TEX26: variants seen among roughly 807,000 people sequenced by gnomAD.
The protein encoded by TEX26 is testis-expressed protein 26.
A neutral mutation model predicts 35.3 loss-of-function variants in TEX26; 34 were observed. The ratio of observed to expected loss-of-function variants is 0.96; its 90% CI spans 0.73 to 1.28. TEX26 has a LOEUF of 1.28. Among genes scored for constraint, TEX26 ranks in the 50% most tolerant of loss-of-function variants. The pLI is 0.00. For synonymous variants in TEX26, 136 were observed against 111.8 expected (o/e 1.22, Z -1.36); for missense variants, 371 against 330.1 (o/e 1.12, Z -0.96).
At chr13:30,947,798 C>T (rs142139396) in intron 2 of TEX26, among the ~76,000 whole-genome samples, 13,392 of 151,830 alleles carry the variant, frequency 0.088, 721 homozygotes, top group Admixed American at 0.12. Context: ...TACAGGTTTG[C>T]TACATATGTA....
intron 1 of TEX26, among the ~76,000 whole-genome samples, chr13:30,937,688 G>C (rs1303905237): frequency 6.6e-6 from 1 of 152,256 alleles, no homozygotes; most frequent in Non-Finnish European, 1.5e-5. Context: ...AGCAGGATTA[G>C]AGAGCAGACA....
rs1954848256 is a variant in TEX26, at chr13:30,975,490, A to G, written c.*583A>G. On this transcript the variant is annotated 3_prime_UTR_variant, in exon 7 of 7. Transcript: ENST00000380473. ...TATTGGAACCTCCCACAATAAATAT[A>G]TTTTTATCAATTTTCCCTTGTATTT... 1 of 152,118 alleles carries G rather than the reference A, an allele frequency of 6.6e-6. No individual in the cohort carries two copies. The highest frequency in any genetic ancestry group is 1.5e-5 in the Non-Finnish European group (1 of 68,010). The allele number at this position is 152,118 out of a possible 1,614,324, so 9.4% of individuals were successfully genotyped here.
At chr13:30,962,115 G>A (rs1193851765) in intron 4 of TEX26, among the ~76,000 whole-genome samples, 3 of 152,174 alleles carry the variant, frequency 2.0e-5, no homozygotes, top group Non-Finnish European at 4.4e-5. Flanking sequence ...CTGGCAGCTA[G>A]AGGAGCTTTC....
chr13:30,968,087 C>A (rs1422294310), intron 5 of TEX26, among the ~76,000 whole-genome samples: 1 of 152,082 alleles, frequency 6.6e-6, no homozygotes, highest in African/African-American at 2.4e-5. Context: ...TGAAGGTTTG[C>A]TGAAAAATTG....
chr13:30,937,521 G>A lies in TEX26; in HGVS notation c.62-2173G>A, dbSNP rs556410102. On this transcript the variant is annotated intron_variant, in intron 1 of 6. Transcript: ENST00000380473. ...TCAGGTTAGAGAAGGCTTCTTTTAC[G>A]AGTGGCATGCCTCACAATTTCTTCC... Among the ~76,000 whole-genome samples, 36 of 152,134 alleles carry A rather than the reference G, an allele frequency of 2.4e-4. No homozygotes were observed. The South Asian group carries it at 7.5e-3, about 32-fold the overall frequency.
At chr13:30,968,148 T>C (rs1360435461) in intron 5 of TEX26, among the ~76,000 whole-genome samples, 1 of 152,140 alleles carries the variant, frequency 6.6e-6, no homozygotes, top group Non-Finnish European at 1.5e-5. Context: ...TTTATTAACA[T>C]GCATGGGAGT....
chr13:30,934,985 G>A (rs190117298), intron 1 of TEX26, among the ~76,000 whole-genome samples: 70 of 152,342 alleles, frequency 4.6e-4, no homozygotes, highest in Admixed American at 1.5e-3. Flanking sequence ...TGGGGCAAGA[G>A]CTCCCTGGTG....
chr13:30,957,208 G>A (rs1954172784), intron 4 of TEX26, among the ~76,000 whole-genome samples, 179 bp downstream of exon 4: 1 of 152,104 alleles, frequency 6.6e-6, no homozygotes, highest in African/African-American at 2.4e-5. Context: ...GGAAATGCAG[G>A]TTGCTGTGGG....
At chr13:30,945,922 C>CT (rs1953691029) in intron 2 of TEX26, among the ~76,000 whole-genome samples, 1 of 151,822 alleles carries the variant, frequency 6.6e-6, no homozygotes, top group Non-Finnish European at 1.5e-5. Context: ...AGTCTGATGA[C>CT]TATAGGCGTT....
At chr13:30,936,562 T>G (rs1953279628) in intron 1 of TEX26, among the ~76,000 whole-genome samples, 1 of 152,096 alleles carries the variant, frequency 6.6e-6, no homozygotes, top group Non-Finnish European at 1.5e-5. Context: ...GCAAAAAGAA[T>G]TGCACCCTCT....
intron 2 of TEX26, among the ~76,000 whole-genome samples, chr13:30,945,902 G>C (rs1384738958): frequency 6.6e-6 from 1 of 151,778 alleles, no homozygotes; most frequent in Non-Finnish European, 1.5e-5. Context: ...CCTTCACATT[G>C]ACTTTAGACA....
intron 1 of TEX26, among the ~76,000 whole-genome samples, chr13:30,936,187 A>G (rs1396630903): frequency 6.6e-6 from 1 of 152,164 alleles, no homozygotes; most frequent in Non-Finnish European, 1.5e-5. Flanking sequence ...GAATAAAATA[A>G]TATATGTGAA....
chr13:30,962,844 A>T (rs1954396845), intron 4 of TEX26, among the ~76,000 whole-genome samples: 1 of 150,064 alleles, frequency 6.7e-6, no homozygotes, highest in South Asian at 2.1e-4. Flanking sequence ...TTTTTTTGAG[A>T]CGGAGTCTCA....
At position 30,952,650 on chromosome 13, in the gene TEX26, T is replaced by G; in HGVS notation, c.147-10T>G. On this transcript the variant is annotated splice_polypyrimidine_tract_variant and intron_variant, in intron 2 of 6. Coordinates refer to ENST00000380473, the MANE Select transcript of TEX26 (RefSeq NM_152325.3). ...CCTCTAACTCTAATTTCTGCTGGGTTTTTTTATAGCCAAAACGGTATCAGA... is the reference window on the plus strand; with the variant it reads ...CCTCTAACTCTAATTTCTGCTGGGTGTTTTTATAGCCAAAACGGTATCAGA... 1 of 1,562,852 alleles carries G rather than the reference T, an allele frequency of 6.4e-7. No individual in the cohort carries two copies. The highest frequency in any genetic ancestry group is 8.6e-7 in the Non-Finnish European group (1 of 1,160,816).
intron 1 of TEX26, among the ~76,000 whole-genome samples, chr13:30,937,652 T>C (rs1241482005): frequency 6.6e-6 from 1 of 152,168 alleles, no homozygotes; most frequent in African/African-American, 2.4e-5. Flanking sequence ...AGAAGGAGTA[T>C]TGGAGAATGA....
rs375072176 is a variant in TEX26 at position 30,956,923 on chromosome 13, G to T, written c.363G>T (p.Lys121Asn). ...LPHCQQTGTL[K>N]NCLPWKIPAS... ...ACTGTCAACAAACGGGGACACTAAA[G>T]AACTGCCTCCCTTGGAAAATCCCGG... The change falls in exon 4 of 7, where the codon AAG (lysine) becomes AAT (asparagine). Residue 121 changes from lysine (K) to asparagine (N), a missense_variant. Physicochemically the swap from Lys to Asn is moderately conservative, Grantham distance 94. Transcript: ENST00000380473. The T allele has an allele frequency of 3.5e-5, 57 of 1,614,066 alleles. No individual in the cohort carries two copies. Among genetic ancestry groups the T allele is most frequent in the Non-Finnish European group, 4.5e-5 (53 of 1,180,004 alleles).
rs550171266 is a variant in TEX26, at chr13:30,947,896, C to A, written c.147-4764C>A. 2.7e-3 allele frequency among the ~76,000 whole-genome samples: 418 copies of A among 152,128 alleles called. 2 individuals carry two copies. The highest frequency in any genetic ancestry group is 4.3e-3 in the Non-Finnish European group (294 of 67,988). On this transcript the variant is annotated intron_variant, in intron 2 of 6. Coordinates refer to ENST00000380473, the MANE Select transcript of TEX26 (RefSeq NM_152325.3). ...TAATGCTATCCCTCCCCTCTCCCCC[C>A]ACCCCACAACTGTCCCTGGTGTGTG...
intron 6 of TEX26, among the ~76,000 whole-genome samples, chr13:30,972,159 G>A (rs1007961350): frequency 6.6e-6 from 1 of 152,208 alleles, no homozygotes; most frequent in African/African-American, 2.4e-5. Context: ...TGGATGGACA[G>A]GAGATGAGGA....
At chr13:30,945,419 T>G (rs1484352807) in intron 2 of TEX26, among the ~76,000 whole-genome samples, 3 of 151,928 alleles carry the variant, frequency 2.0e-5, no homozygotes, top group Admixed American at 2.0e-4. Context: ...TGCCAATCTA[T>G]TAAGTGGAGT....
Sources: gnomAD v4.1 joint callset for allele counts (sites outside exome capture counted in the v4.1 genomes callset) on GRCh38, gnomAD v4.1.1 for gene constraint, MANE v1.5 for transcripts, NCBI Gene and HGNC (gene_info 2026-07-23, HGNC 2026-07-21) for gene names.